Variants in CLRN1 observed in about 807,000 individuals in gnomAD.
CLRN1 encodes clarin-1.
Under a neutral mutation model 18.7 loss-of-function variants are expected in CLRN1, and 15 were observed. That is an observed-to-expected ratio of 0.80 (90% CI 0.54 to 1.23). CLRN1 has a LOEUF of 1.23. CLRN1 is among the 50% of genes most tolerant of loss of function. CLRN1 has a pLI of 0.00. For synonymous variants in CLRN1, 104 were observed against 102.9 expected (o/e 1.01, Z -0.07); for missense variants, 311 against 277.5 (o/e 1.12, Z -0.86).
chr3:150,952,893 A>G (rs1714562910), intron 1 of CLRN1, among the ~76,000 whole-genome samples: 1 of 152,224 alleles, frequency 6.6e-6, no homozygotes, highest in Non-Finnish European at 1.5e-5. Flanking sequence ...ATGACCCAGC[A>G]GGACACTAAT....
At position 150,945,702 on chromosome 3, in the gene CLRN1, A is replaced by G. The variant is rs765928615; in HGVS notation, c.254-3941T>C. The G allele has an allele frequency of 1.4e-4, 172 of 1,207,250 alleles. No homozygotes were observed. The African/African-American group carries it at 2.5e-3, about 18-fold the overall frequency. 74.8% of individuals were successfully genotyped at this position (1,207,250 alleles called of 1,614,324 possible). A position where few individuals can be genotyped will look rare whatever the true frequency, so the allele number is the denominator to read the frequency against. ...TATCTTCTCACAATCAGAAAAATGC[A>G]CATTAAAACTTTGAGATACCATTTT... On this transcript the variant is annotated intron_variant, in intron 1 of 2. Transcript: ENST00000327047.
In CLRN1 at chr3:150,928,198, G is replaced by C. The variant is rs201625237; in HGVS notation, c.437C>G (p.Ser146Cys). Residue 146 changes from serine (S) to cysteine (C), a missense_variant, in exon 3 of 3, where the codon TCC (serine) becomes TGC (cysteine). Physicochemically the swap from Ser to Cys is moderately radical, Grantham distance 112 (BLOSUM62 -1). Transcript: ENST00000327047. Reference sequence around the variant, plus strand: ...CAATATCATGACAAGACAGCCACAGGAGCCTGCAACAGAAGAAACAAGGTG... The same window carrying C: ...CAATATCATGACAAGACAGCCACAGCAGCCTGCAACAGAAGAAACAAGGTG... ...GLYLLSFISG[S>C]CGCLVMILFA... is the part of the protein sequence containing the mutation. The C allele has an allele frequency of 6.2e-7, 1 of 1,614,010 alleles. No homozygotes were observed. The highest frequency in any genetic ancestry group is 8.5e-7 in the Non-Finnish European group (1 of 1,179,978).
intron 1 of CLRN1, among the ~76,000 whole-genome samples, chr3:150,964,219 A>G (rs1715163553): frequency 6.6e-6 from 1 of 152,234 alleles, no homozygotes; most frequent in Admixed American, 6.5e-5. Flanking sequence ...AATTTACAAG[A>G]AAAAACCCCG....
chr3:150,953,346 C>T (rs971755458), intron 1 of CLRN1, among the ~76,000 whole-genome samples: 2 of 152,072 alleles, frequency 1.3e-5, no homozygotes, highest in African/African-American at 4.8e-5. Context: ...CCCTTTCTTT[C>T]ATTCTCTTAT....
intron 1 of CLRN1, among the ~76,000 whole-genome samples, chr3:150,949,259 T>C (rs1372842762): frequency 6.6e-6 from 1 of 152,138 alleles, no homozygotes; most frequent in Non-Finnish European, 1.5e-5. Flanking sequence ...TCGTACTGAA[T>C]GGGCAAAAGG....
chr3:150,967,063 A>C (rs1210647500), intron 1 of CLRN1, among the ~76,000 whole-genome samples: 1 of 152,142 alleles, frequency 6.6e-6, no homozygotes, highest in Non-Finnish European at 1.5e-5. Flanking sequence ...GCAGAGACCC[A>C]CCTCAAATCC....
intron 1 of CLRN1, chr3:150,944,003 A>G (rs1189256138): frequency 8.4e-7 from 1 of 1,194,424 alleles, no homozygotes; most frequent in Non-Finnish European, 1.2e-6. Context: ...TGCATCAACA[A>G]CAAGATAGTT....
At chr3:150,965,394 T>C (rs2107986657) in intron 1 of CLRN1, among the ~76,000 whole-genome samples, 2 of 152,322 alleles carry the variant, frequency 1.3e-5, no homozygotes, top group East Asian at 3.9e-4. Context: ...GAATATTGCT[T>C]TTATCAATAT....
At chr3:150,933,427 T>C (rs1170884328) in intron 2 of CLRN1, among the ~76,000 whole-genome samples, 3 of 152,136 alleles carry the variant, frequency 2.0e-5, no homozygotes, top group Admixed American at 6.5e-5. Context: ...ATATAACATT[T>C]AAGTGTATCT....
chr3:150,972,440 T>C lies in CLRN1; in HGVS notation c.253+16A>G, dbSNP rs937120943. On this transcript the variant is annotated intron_variant, in intron 1 of 2. Transcript: ENST00000327047. ...TGCCTAAAGCATTAAATAACTCAAA[T>C]GCAATTGCTACTTACATGAGAACCG... The C allele has an allele frequency of 5.0e-6, 8 of 1,614,012 alleles. No homozygotes were observed. Among genetic ancestry groups the C allele is most frequent in the African/African-American group, 2.7e-5 (2 of 74,902 alleles).
At chr3:150,958,288 T>C (rs1027902411) in intron 1 of CLRN1, among the ~76,000 whole-genome samples, 5 of 152,258 alleles carry the variant, frequency 3.3e-5, no homozygotes, top group Non-Finnish European at 7.3e-5. Context: ...TTGAATATTT[T>C]GGAAATATTT....
intron 2 of CLRN1, among the ~76,000 whole-genome samples, chr3:150,930,278 G>A (rs1284473709): frequency 1.3e-5 from 2 of 152,140 alleles, no homozygotes; most frequent in East Asian, 3.9e-4. Flanking sequence ...GCAGGCAGGA[G>A]GAGCTACGGT....
At chr3:150,943,437 C>T (rs1432930610) in intron 1 of CLRN1, among the ~76,000 whole-genome samples, 1 of 152,194 alleles carries the variant, frequency 6.6e-6, no homozygotes, top group Non-Finnish European at 1.5e-5. Flanking sequence ...AGAGAGGAAA[C>T]TTGACTTCAG....
At chr3:150,969,305 ATATATATATTTTTTT>A (rs1715414644) in intron 1 of CLRN1, among the ~76,000 whole-genome samples, 1 of 61,170 alleles carries the variant, frequency 1.6e-5, no homozygotes, top group East Asian at 5.8e-4. Context: ...ATATATATAT[ATATATATATTTTTTT>A]TTTTTTTTTT....
At chr3:150,945,421 C>T (rs1371300840) in intron 1 of CLRN1, 1 of 993,274 alleles carries the variant, frequency 1.0e-6, no homozygotes, top group African/African-American at 1.7e-5. Flanking sequence ...CCACAACACT[C>T]TACTCCTGAC....
At chr3:150,932,007 T>C (rs977047735) in intron 2 of CLRN1, among the ~76,000 whole-genome samples, 1 of 152,184 alleles carries the variant, frequency 6.6e-6, no homozygotes, top group Non-Finnish European at 1.5e-5. Context: ...ATTTTTCCTT[T>C]CATCTGTCTG....
At chr3:150,932,473 T>G (rs1713211434) in intron 2 of CLRN1, among the ~76,000 whole-genome samples, 1 of 152,210 alleles carries the variant, frequency 6.6e-6, no homozygotes, top group South Asian at 2.1e-4. Flanking sequence ...AAACTGGAAT[T>G]TCAATTCCAT....
chr3:150,968,478 C>A (rs544253636), intron 1 of CLRN1, among the ~76,000 whole-genome samples: 2 of 152,224 alleles, frequency 1.3e-5, no homozygotes, highest in South Asian at 4.2e-4. Flanking sequence ...TGAGAATCAG[C>A]CAGAGTAAAT....
intron 1 of CLRN1, among the ~76,000 whole-genome samples, chr3:150,970,866 G>T (rs867385961): frequency 2.0e-5 from 3 of 152,160 alleles, no homozygotes; most frequent in African/African-American, 7.2e-5. Flanking sequence ...AAAATCATTC[G>T]CTAAACCCCA....
Sources: gnomAD v4.1 joint callset for allele counts (sites outside exome capture counted in the v4.1 genomes callset) on GRCh38, gnomAD v4.1.1 for gene constraint, MANE v1.5 for transcripts, NCBI Gene and HGNC (gene_info 2026-07-23, HGNC 2026-07-21) for gene names.